The following MTMR2 variants were observed in gnomAD, a reference collection of about 807,000 sequenced individuals.
The protein encoded by MTMR2 is phosphatidylinositol-3,5-bisphosphate 3-phosphatase MTMR2.
In MTMR2, 55 loss-of-function variants were observed where a neutral mutation model predicts 86.9. The observed-to-expected ratio is 0.63, with a 90% CI of 0.51 to 0.79. The LOEUF is 0.79. Among genes scored for constraint, MTMR2 ranks in the 30% least tolerant of loss-of-function variants. The pLI, the probability that MTMR2 is intolerant of heterozygous loss-of-function variation, is 0.00. For missense variants in MTMR2, 659 were observed against 772.3 expected, an observed-to-expected ratio of 0.85 and a Z score of 1.74; for synonymous variants, 241 against 266.8, an observed-to-expected ratio of 0.90 and a Z score of 0.94.
intron 2 of MTMR2, among the ~76,000 whole-genome samples, chr11:95,880,016 T>C (rs1865265545): frequency 6.6e-6 from 1 of 151,904 alleles, no homozygotes; most frequent in Non-Finnish European, 1.5e-5. Context: ...CTAGATATTT[T>C]ACATTTTTAG....
At chr11:95,912,371 CAA>C (rs1369675867) in intron 1 of MTMR2, among the ~76,000 whole-genome samples, 1 of 150,810 alleles carries the variant, frequency 6.6e-6, no homozygotes, top group African/African-American at 2.4e-5. Flanking sequence ...ATGAAAAGAA[CAA>C]AAAAGTTTTT....
intron 7 of MTMR2, among the ~76,000 whole-genome samples, chr11:95,851,055 CTTTTTTTTTTTTTT>C (rs55809121): frequency 3.0e-4 from 28 of 93,396 alleles, no homozygotes; most frequent in African/African-American, 1.2e-3. Flanking sequence ...TCAAATATTC[CTTTTTTTTTTTTTT>C]TTTTTTTTTT....
At chr11:95,919,609 G>T (rs891919451) in intron 1 of MTMR2, among the ~76,000 whole-genome samples, 4 of 152,164 alleles carry the variant, frequency 2.6e-5, no homozygotes, top group African/African-American at 9.7e-5. Context: ...TGGATAAATA[G>T]GTAGTTGAAG....
chr11:95,897,835 T>G (rs1235269032), intron 1 of MTMR2, among the ~76,000 whole-genome samples: 1 of 152,124 alleles, frequency 6.6e-6, no homozygotes, highest in Non-Finnish European at 1.5e-5. Flanking sequence ...CTCTATTGAC[T>G]CCAGGACATC....
At chr11:95,905,321 A>G (rs1306339303) in intron 1 of MTMR2, among the ~76,000 whole-genome samples, 4 of 119,096 alleles carry the variant, frequency 3.4e-5, no homozygotes, top group African/African-American at 1.4e-4. Flanking sequence ...ACACACACGC[A>G]CGCACCTGCG....
chr11:95,856,477 C>A (rs912437238), intron 7 of MTMR2, among the ~76,000 whole-genome samples: 1 of 151,314 alleles, frequency 6.6e-6, no homozygotes, highest in Non-Finnish European at 1.5e-5. Flanking sequence ...CAGCTTCTAA[C>A]TACAAATACA....
At chr11:95,844,706 T>C (rs1863697313) in intron 11 of MTMR2, among the ~76,000 whole-genome samples, 1 of 152,184 alleles carries the variant, frequency 6.6e-6, no homozygotes, top group African/African-American at 2.4e-5. Flanking sequence ...CATCACTGAA[T>C]GATATCCGAT....
chr11:95,912,538 TAC>T (rs1385255783), intron 1 of MTMR2, among the ~76,000 whole-genome samples: 6 of 152,016 alleles, frequency 3.9e-5, no homozygotes, highest in African/African-American at 7.2e-5. Context: ...ATTTGAGAAT[TAC>T]AGAGTATTTC....
Position 95,836,291 on chromosome 11 carries a change from A to G in MTMR2, c.1627T>C (p.Tyr543His). The change falls in exon 14 of 15, where the codon TAC becomes CAC. Residue 543 changes from tyrosine to histidine, a missense_variant. Transcript: ENST00000346299. ...LPKRTVSLWSYINSQLEDFTN... is the reference protein window; with the variant it reads ...LPKRTVSLWSHINSQLEDFTN... ...AAGTCTTCCAGCTGGCTGTTTATGT[A>G]AGACCACAGTGACACAGTCCTTTTA... The G allele has an allele frequency of 6.2e-7, 1 of 1,612,992 alleles. No homozygotes were observed. The highest frequency in any genetic ancestry group is 8.5e-7 in the Non-Finnish European group (1 of 1,179,154).
At chr11:95,888,576 C>T (rs982044849) in intron 1 of MTMR2, among the ~76,000 whole-genome samples, 1 of 152,074 alleles carries the variant, frequency 6.6e-6, no homozygotes, top group Non-Finnish European at 1.5e-5. Context: ...GTCCAATGTA[C>T]AAAACCACTA....
chr11:95,922,837 A>G (rs1017638267), intron 1 of MTMR2, among the ~76,000 whole-genome samples: 2 of 152,180 alleles, frequency 1.3e-5, no homozygotes, highest in Non-Finnish European at 2.9e-5. Context: ...ATAACTACCC[A>G]TATTTAGCAG....
chr11:95,892,520 T>A (rs1329892700), intron 1 of MTMR2, among the ~76,000 whole-genome samples: 1 of 152,200 alleles, frequency 6.6e-6, no homozygotes, highest in East Asian at 1.9e-4. Flanking sequence ...GCAAGGCATT[T>A]GAACTTGAAG....
chr11:95,838,685 C>T (rs574706978), intron 12 of MTMR2, among the ~76,000 whole-genome samples: 10 of 152,086 alleles, frequency 6.6e-5, no homozygotes, highest in African/African-American at 2.4e-4. Flanking sequence ...ATAATTGCGG[C>T]TTTTGCCATT....
intron 2 of MTMR2, among the ~76,000 whole-genome samples, chr11:95,869,934 C>A (rs1262546389): frequency 6.6e-6 from 1 of 152,094 alleles, no homozygotes; most frequent in Non-Finnish European, 1.5e-5. Flanking sequence ...ATGAAAGTAT[C>A]TGGGGTGACA....
At chr11:95,853,483 C>T (rs1203209463) in intron 7 of MTMR2, among the ~76,000 whole-genome samples, 4 of 152,152 alleles carry the variant, frequency 2.6e-5, no homozygotes, top group African/African-American at 9.7e-5. Flanking sequence ...TATTGCTTTT[C>T]ATATAAAATA....
chr11:95,839,370 A>C (rs1424841003), intron 12 of MTMR2, among the ~76,000 whole-genome samples: 1 of 152,008 alleles, frequency 6.6e-6, no homozygotes, highest in Non-Finnish European at 1.5e-5. Flanking sequence ...TCACACTCTT[A>C]ACAGCCCTAT....
intron 2 of MTMR2, among the ~76,000 whole-genome samples, chr11:95,873,163 A>G (rs1212493506): frequency 2.0e-5 from 3 of 151,932 alleles, no homozygotes; most frequent in South Asian, 2.1e-4. Context: ...CTCTTTTTCT[A>G]TTGATTGGAA....
chr11:95,845,399 G>A (rs1452291960), intron 10 of MTMR2, among the ~76,000 whole-genome samples: 1 of 152,058 alleles, frequency 6.6e-6, no homozygotes, highest in Middle Eastern at 3.2e-3. Flanking sequence ...CAAATCAAAA[G>A]TACCTTTGGG....
rs1487344758 is a variant in MTMR2 at position 95,849,904 on chromosome 11, T to C, written c.805-42A>G. 3 of 1,528,896 alleles carry C rather than the reference T, an allele frequency of 2.0e-6. No homozygotes were observed. In the East Asian group the frequency reaches 6.8e-5, roughly 34 times the overall value. 94.7% of individuals were successfully genotyped at this position (1,528,896 alleles called of 1,614,324 possible). A position where few individuals can be genotyped will look rare whatever the true frequency, so the allele number is the denominator to read the frequency against. ...TGGTAACACACCTTTTACATACTTC[T>C]CTGTTTATAATTCTCAAAAACAGTA... On this transcript the variant is annotated intron_variant, in intron 8 of 14. Coordinates refer to ENST00000346299, the MANE Select transcript of MTMR2 (RefSeq NM_016156.6).
Sources: allele counts gnomAD v4.1 joint callset (sites outside exome capture counted in the v4.1 genomes callset), GRCh38; gene constraint gnomAD v4.1.1; transcripts MANE v1.5; gene names NCBI Gene and HGNC (gene_info 2026-07-23, HGNC 2026-07-21).